The following ANKFY1 variants were observed in gnomAD, a reference collection of about 807,000 sequenced individuals.
The protein encoded by ANKFY1 is ankyrin repeat and FYVE domain containing 1.
A neutral mutation model predicts 128.3 loss-of-function variants in ANKFY1; 47 were observed. The observed-to-expected ratio is 0.37, with a 90% confidence interval of 0.29 to 0.47. The LOEUF (loss-of-function observed/expected upper bound fraction) is 0.47. Among genes scored for constraint, ANKFY1 ranks in the 20% least tolerant of loss-of-function variants. The pLI, the probability that ANKFY1 is intolerant of heterozygous loss-of-function variation, is 1.00. For synonymous variants in ANKFY1, 553 were observed against 601.6 expected (o/e 0.92, Z 1.18); for missense variants, 1,222 against 1,510.6 (o/e 0.81, Z 3.17).
intron 22 of ANKFY1, among the ~76,000 whole-genome samples, chr17:4,171,917 G>A (rs1375068292): frequency 6.6e-6 from 1 of 152,330 alleles, no homozygotes; most frequent in South Asian, 2.1e-4. Context: ...GCTGGGATGA[G>A]ACATCTGGTT....
rs1242324695 is a variant in ANKFY1, at chr17:4,184,835, A to G, written c.1682T>C (p.Val561Ala). 1 of 1,613,476 alleles carries G rather than the reference A, an allele frequency of 6.2e-7. No homozygotes were observed. Among genetic ancestry groups the G allele is most frequent in the African/African-American group, 1.3e-5 (1 of 75,060 alleles). ...TTACTTACCTTTCTGCTCCAGGATG[A>G]CAGACACCACATCCGGATGGTTATA... Reference protein sequence around the residue: ...IAYNHPDVVSVILEQKANALH... With the variant: ...IAYNHPDVVSAILEQKANALH... The change falls in exon 12 of 25, where the codon GTC becomes GCC. Residue 561 changes from valine (V) to alanine (A), a missense_variant. Val to Ala is a moderately conservative substitution (Grantham distance 64). Transcript: ENST00000341657.
chr17:4,167,943 A>G lies in ANKFY1; in HGVS notation c.3378-32T>C. On this transcript the variant is annotated intron_variant, in intron 24 of 24. Transcript: ENST00000341657. This position sits in a 1 kb window ranked among gnomAD's most constrained non-coding sequence, Gnocchi z 4.1. ...AAGCAAAGAAAGGAAGTATGAGAGG[A>G]GCGCCAACGACAGACTCTGCTTCCT... The G allele has an allele frequency of 6.2e-7, 1 of 1,603,038 alleles. No individual in the cohort carries two copies. The highest frequency in any genetic ancestry group is 8.5e-7 in the Non-Finnish European group (1 of 1,173,386).
chr17:4,233,155 G>C (rs2060542667), intron 3 of ANKFY1, among the ~76,000 whole-genome samples: 1 of 152,086 alleles, frequency 6.6e-6, no homozygotes, highest in Non-Finnish European at 1.5e-5. Context: ...TGATTATATA[G>C]ATTTCAAAAG....
At chr17:4,189,533 G>T (rs753395335) in intron 10 of ANKFY1, 54 bp from the exon 11 acceptor site, 40 of 1,431,766 alleles carry the variant, frequency 2.8e-5, no homozygotes, top group Middle Eastern at 1.9e-4. Flanking sequence ...ATGCGGTCAC[G>T]CTGCACAACA....
intron 10 of ANKFY1, among the ~76,000 whole-genome samples, 194 bp from the exon 11 acceptor site, chr17:4,189,673 A>AGACAGTAGGCCCACG (rs1567925647): frequency 3.1e-5 from 4 of 130,314 alleles, no homozygotes; most frequent in African/African-American, 1.0e-4. Flanking sequence ...GTAGGCCCAC[A>AGACAGTAGGCCCACG]CCAGACAGTA....
chr17:4,242,514 C>G, intron 1 of ANKFY1, 66 bp from the exon 2 acceptor site: 1 of 1,404,420 alleles, frequency 7.1e-7, no homozygotes, highest in Non-Finnish European at 9.5e-7. Flanking sequence ...TCACTAATCC[C>G]TCATCCCATA....
intron 1 of ANKFY1, among the ~76,000 whole-genome samples, chr17:4,247,183 A>G (rs914409888): frequency 1.3e-5 from 2 of 152,124 alleles, no homozygotes; most frequent in African/African-American, 4.8e-5. Flanking sequence ...CCTCTATCTA[A>G]GCCTTCAAAT....
rs79354780 is a variant in ANKFY1 at position 4,210,261 on chromosome 17, C to T, written c.459-314G>A. Reference sequence around the variant, plus strand: ...GCTGATCACACAGACAGGTAATTGTCGAATCAAGCACAAAATGGATCAACC... The same window carrying T: ...GCTGATCACACAGACAGGTAATTGTTGAATCAAGCACAAAATGGATCAACC... On this transcript the variant is annotated intron_variant, in intron 4 of 24. Coordinates refer to ENST00000341657, the MANE Select transcript of ANKFY1 (RefSeq NM_001330063.2). 6.1e-3 allele frequency among the ~76,000 whole-genome samples: 936 copies of T among 152,276 alleles called. 7 individuals carry two copies. Among genetic ancestry groups the T allele is most frequent in the African/African-American group, 0.022 (906 of 41,548 alleles).
intron 11 of ANKFY1, 149 bp from the exon 12 acceptor site, chr17:4,185,195 C>T (rs1381520645): frequency 5.4e-6 from 4 of 737,974 alleles, no homozygotes; most frequent in Admixed American, 2.1e-5. Flanking sequence ...CCTGAGCCAT[C>T]GCTCTCAGTA....
chr17:4,168,218 T>A, intron 24 of ANKFY1: 2 of 187,500 alleles, frequency 1.1e-5, no homozygotes, highest in South Asian at 1.4e-4. Context: ...TTTGGAAGGC[T>A]GAGGCAGGCG....
rs369483744 is a variant in ANKFY1, at chr17:4,217,134, G to A, written c.323-16C>T. The stretch of plus-strand genomic sequence containing the variant: ...GGATTAGCATCTGGTTAAAGAAAGA[G>A]AGAACAACTGAAAAAGCATAGAATG... On this transcript the variant is annotated splice_polypyrimidine_tract_variant and intron_variant, in intron 3 of 24. Transcript: ENST00000341657. 4.4e-5 allele frequency: 70 copies of A among 1,604,324 alleles called. No homozygotes were observed. The highest frequency in any genetic ancestry group is 5.7e-5 in the Non-Finnish European group (67 of 1,173,394).
intron 5 of ANKFY1, 114 bp from the exon 6 acceptor site, chr17:4,208,196 T>G: frequency 1.0e-6 from 1 of 975,292 alleles, no homozygotes; most frequent in Non-Finnish European, 1.4e-6. Flanking sequence ...GGCTTAACCT[T>G]TCCCAACTCA....
chr17:4,201,797 A>G (rs1373086473), intron 7 of ANKFY1, among the ~76,000 whole-genome samples: 1 of 152,166 alleles, frequency 6.6e-6, no homozygotes, highest in East Asian at 1.9e-4. Context: ...AGCAGGTAAC[A>G]TGCATATAGG....
At chr17:4,216,634 T>C (rs926385527) in intron 4 of ANKFY1, 3 of 337,382 alleles carry the variant, frequency 8.9e-6, no homozygotes, top group Non-Finnish European at 1.8e-5. Context: ...TCATTCAACT[T>C]GATATATCAG....
chr17:4,231,322 C>A (rs1408691814), intron 3 of ANKFY1, among the ~76,000 whole-genome samples: 2 of 152,004 alleles, frequency 1.3e-5, no homozygotes, highest in South Asian at 2.1e-4. Flanking sequence ...ACAGCAAGAG[C>A]CCATCTCTAT....
In ANKFY1 at chr17:4,222,680, C is replaced by G. The variant is rs760257010; in HGVS notation, c.323-5562G>C. On this transcript the variant is annotated intron_variant, in intron 3 of 24. Coordinates refer to ENST00000341657, the MANE Select transcript of ANKFY1 (RefSeq NM_001330063.2). ...ATGTGCACCAAAAATGGCCCTGACA[C>G]GCAGCTCCAACCACTTCTACGCGTG... 4.6e-6 allele frequency: 4 copies of G among 862,872 alleles called. No homozygotes were observed. The South Asian group carries it at 5.4e-5, about 12-fold the overall frequency. The allele number at this position is 862,872 out of a possible 1,614,324, so 53.5% of individuals were successfully genotyped here. A position where few individuals can be genotyped will look rare whatever the true frequency, so the allele number is the denominator to read the frequency against.
At chr17:4,222,502 G>GCCC (rs2060343178) in intron 3 of ANKFY1, 1 of 930,336 alleles carries the variant, frequency 1.1e-6, no homozygotes, top group Non-Finnish European at 1.8e-6. Flanking sequence ...CAACATTTCT[G>GCCC]TTCAGGGAGA....
At chr17:4,205,481 G>A (rs1253555575) in intron 7 of ANKFY1, among the ~76,000 whole-genome samples, 1 of 152,038 alleles carries the variant, frequency 6.6e-6, no homozygotes, top group Admixed American at 6.5e-5. Flanking sequence ...GGTGGCTCAC[G>A]CCTCTAATCC....
chr17:4,197,165 A>G (rs1015060578), intron 8 of ANKFY1, among the ~76,000 whole-genome samples: 3 of 152,176 alleles, frequency 2.0e-5, no homozygotes, highest in African/African-American at 7.2e-5. Context: ...CGAAGACTTC[A>G]GTTACCCAGG....
Sources: gnomAD v4.1 joint callset for allele counts (sites outside exome capture counted in the v4.1 genomes callset) on GRCh38, gnomAD v4.1.1 for gene constraint, Gnocchi (gnomAD v3.1) non-coding constraint, MANE v1.5 for transcripts, NCBI Gene and HGNC (gene_info 2026-07-23, HGNC 2026-07-21) for gene names.